LRP11: variants seen among roughly 807,000 people sequenced by gnomAD.
LRP11 encodes the protein low-density lipoprotein receptor-related protein 11.
Under a neutral mutation model 43.1 loss-of-function variants are expected in LRP11, and 25 were observed. That is an observed-to-expected ratio of 0.58 (90% CI 0.42 to 0.81). The LOEUF (loss-of-function observed/expected upper bound fraction) is 0.81. Among genes scored for constraint, LRP11 ranks in the 30% least tolerant of loss-of-function variants. The pLI is 0.00. For synonymous variants in LRP11, 316 were observed against 299.4 expected (o/e 1.06, Z -0.57); for missense variants, 623 against 665.1 (o/e 0.94, Z 0.70).
intron 1 of LRP11, among the ~76,000 whole-genome samples, chr6:149,853,956 G>A (rs1047600868): frequency 1.3e-5 from 2 of 152,112 alleles, no homozygotes; most frequent in African/African-American, 4.8e-5. Context: ...GAAAAGTTAA[G>A]GCAAATTTTT....
At chr6:149,826,107 G>A (rs1200072248) in intron 6 of LRP11, 157 bp downstream of exon 6, 8 of 681,376 alleles carry the variant, frequency 1.2e-5, no homozygotes, top group East Asian at 5.1e-5. Flanking sequence ...GCCCCAAGAC[G>A]CAGTGCAATA....
In LRP11 at chr6:149,838,704, GAAAT is replaced by G. The variant is rs1192288466; in HGVS notation, c.914-1245_914-1242del. ...TGTCTCAAAAAAAAAAAAAAAGAAA[GAAAT>G]AACGACATTTCTCCCTTCTGGAGTT... is the stretch of plus-strand genomic sequence containing the variant. On this transcript the variant is annotated intron_variant, in intron 3 of 6. Coordinates refer to ENST00000239367, the MANE Select transcript of LRP11 (RefSeq NM_032832.6). Among the ~76,000 whole-genome samples the G allele has an allele frequency of 2.1e-4, 31 of 150,844 alleles. 2 individuals carry two copies. The South Asian group carries it at 6.3e-3, about 31-fold the overall frequency.
chr6:149,853,268 G>A (rs747709524), intron 1 of LRP11, 108 bp from the exon 2 acceptor site: 1 of 810,264 alleles, frequency 1.2e-6, no homozygotes, highest in African/African-American at 1.8e-5. Flanking sequence ...TAACTGCTAA[G>A]AGAATCCATA....
intron 6 of LRP11, among the ~76,000 whole-genome samples, chr6:149,825,623 G>A (rs1776328156): frequency 6.6e-6 from 1 of 151,686 alleles, no homozygotes; most frequent in Non-Finnish European, 1.5e-5. Context: ...AAGATAGCCT[G>A]CTCAAGGTCA....
chr6:149,861,663 G>A (rs994417580), intron 1 of LRP11, among the ~76,000 whole-genome samples: 3 of 152,058 alleles, frequency 2.0e-5, no homozygotes, highest in African/African-American at 7.2e-5. Context: ...ATAGACAGGC[G>A]CCACCATGCC....
chr6:149,833,577 G>A lies in LRP11; in HGVS notation c.1252+2508C>T, dbSNP rs115532697. Among the ~76,000 whole-genome samples the A allele has an allele frequency of 4.7e-3, 719 of 152,232 alleles. 5 individuals are homozygous for A. Among genetic ancestry groups the A allele is most frequent in the African/African-American group, 0.016 (682 of 41,552 alleles). On this transcript the variant is annotated intron_variant, in intron 5 of 6. Transcript: ENST00000239367. ...TGTGTATGAATAGAAGTAACCAGAAGAAAATGCGACAAAATTTTAATGGTG... is the reference window on the plus strand; with the variant it reads ...TGTGTATGAATAGAAGTAACCAGAAAAAAATGCGACAAAATTTTAATGGTG...
intron 1 of LRP11, among the ~76,000 whole-genome samples, chr6:149,856,288 G>T (rs1776797799): frequency 6.6e-6 from 1 of 152,120 alleles, no homozygotes; most frequent in Non-Finnish European, 1.5e-5. Flanking sequence ...GGAAGAAAAA[G>T]ATCATTTTAG....
Position 149,843,041 on chromosome 6 carries a change from C to T in LRP11, c.855G>A (p.Gly285=). Residue 285 remains glycine, a synonymous_variant, in exon 3 of 7, where the codon GGG becomes GGA. Transcript: ENST00000239367. ...TFQLTVTDTA[G]QRSSDNVSVT... is the part of the protein sequence containing the mutation. ...CTGACACGTTGTCAGAGCTTCTCTGCCCGGCAGTGTCCGTCACGGTCAGCT... is the reference window on the plus strand; with the variant it reads ...CTGACACGTTGTCAGAGCTTCTCTGTCCGGCAGTGTCCGTCACGGTCAGCT... The T allele has an allele frequency of 6.2e-7, 1 of 1,614,214 alleles. No homozygotes were observed. The highest frequency in any genetic ancestry group is 1.1e-5 in the South Asian group (1 of 91,076).
At chr6:149,826,404 A>G in intron 5 of LRP11, 45 bp from the exon 6 acceptor site, 1 of 1,318,556 alleles carries the variant, frequency 7.6e-7, no homozygotes, top group Non-Finnish European at 1.1e-6. Context: ...TATGCATCAG[A>G]AACTTCAGGA....
intron 6 of LRP11, among the ~76,000 whole-genome samples, chr6:149,825,943 C>T (rs569957088): frequency 6.8e-4 from 103 of 152,300 alleles, no homozygotes; most frequent in Non-Finnish European, 1.3e-3. Flanking sequence ...GCCACTGTGC[C>T]CAGCTTTGAG....
intron 3 of LRP11, among the ~76,000 whole-genome samples, chr6:149,838,576 T>G (rs1301335268): frequency 1.3e-5 from 2 of 151,168 alleles, no homozygotes; most frequent in African/African-American, 2.4e-5. Context: ...TCCCAGGTAC[T>G]CGGGAGGCTG....
At chr6:149,843,833 C>A (rs1239380671) in intron 2 of LRP11, among the ~76,000 whole-genome samples, 7 of 152,216 alleles carry the variant, frequency 4.6e-5, no homozygotes, top group Non-Finnish European at 1.0e-4. Context: ...TGCTCACTTC[C>A]CATTTAGTCT....
In LRP11 at chr6:149,864,115, C is replaced by G; in HGVS notation, c.-95G>C. ...GCGCGGGCCCTGGGCCCCTCCTGCGCGGCCGCGGCTGGCTCTAGGCCCCGG... is the reference window on the plus strand; with the variant it reads ...GCGCGGGCCCTGGGCCCCTCCTGCGGGGCCGCGGCTGGCTCTAGGCCCCGG... On this transcript the variant is annotated 5_prime_UTR_variant, in exon 1 of 7. Transcript: ENST00000239367. The G allele has an allele frequency of 8.4e-7, 1 of 1,188,394 alleles. No individual in the cohort carries two copies. Among genetic ancestry groups the G allele is most frequent in the Non-Finnish European group, 1.0e-6 (1 of 961,404 alleles). The allele number at this position is 1,188,394 out of a possible 1,614,324, so 73.6% of individuals were successfully genotyped here. A position where few individuals can be genotyped will look rare whatever the true frequency, so the allele number is the denominator to read the frequency against.
rs778882517 is a variant in LRP11 at position 149,837,385 on chromosome 6, C to T, written c.992G>A (p.Gly331Glu). ...CCIDITLACD[G>E]VQQCPDGSDE... ...AGACCCATCAGGACACTGCTGCACT[C>T]CATCGCAGGCGAGCGTGATGTCAAT... Residue 331 changes from glycine to glutamate, a missense_variant, in exon 4 of 7, where the codon GGA becomes GAA. Coordinates refer to ENST00000239367, the MANE Select transcript of LRP11 (RefSeq NM_032832.6). The T allele has an allele frequency of 1.6e-5, 26 of 1,614,118 alleles. No homozygotes were observed. The South Asian group carries it at 2.1e-4, about 13-fold the overall frequency.
At position 149,862,577 on chromosome 6, in the gene LRP11, C is replaced by CTTTTTTT. The variant is rs10553273; in HGVS notation, c.613+824_613+830dup. Among the ~76,000 whole-genome samples the CTTTTTTT allele has an allele frequency of 3.2e-3, 399 of 126,142 alleles. 6 individuals carry two copies. Among genetic ancestry groups the CTTTTTTT allele is most frequent in the African/African-American group, 5.0e-3 (165 of 33,062 alleles). The allele number at this position is 126,142 out of a possible 152,430, so 82.8% of individuals were successfully genotyped here. On this transcript the variant is annotated intron_variant, in intron 1 of 6. Coordinates refer to ENST00000239367, the MANE Select transcript of LRP11 (RefSeq NM_032832.6). Reference sequence around the variant, plus strand: ...CTTTAAAGTTTCCTATTTTCTTTTCCTTTTTTTTTTTTTTTTTTTAAGATG... The same window carrying CTTTTTTT: ...CTTTAAAGTTTCCTATTTTCTTTTCCTTTTTTTTTTTTTTTTTTTTTTTTTTAAGATG...
chr6:149,855,445 T>C (rs979381943), intron 1 of LRP11, among the ~76,000 whole-genome samples: 1 of 152,192 alleles, frequency 6.6e-6, no homozygotes, highest in African/African-American at 2.4e-5. Context: ...TTGAATTGAA[T>C]GTAAATAAAC....
At chr6:149,843,745 C>G (rs1776587260) in intron 2 of LRP11, among the ~76,000 whole-genome samples, 1 of 152,132 alleles carries the variant, frequency 6.6e-6, no homozygotes, top group African/African-American at 2.4e-5. Context: ...AAGGGCTCAC[C>G]AGCCACAGCC....
intron 5 of LRP11, among the ~76,000 whole-genome samples, chr6:149,831,697 C>T (rs1776410270): frequency 6.6e-6 from 1 of 152,214 alleles, no homozygotes; most frequent in South Asian, 2.1e-4. Flanking sequence ...GAGATGAGGT[C>T]TTACTCTGTC....
At chr6:149,851,886 G>A (rs1776724661) in intron 2 of LRP11, among the ~76,000 whole-genome samples, 1 of 152,192 alleles carries the variant, frequency 6.6e-6, no homozygotes, top group Non-Finnish European at 1.5e-5. Context: ...GGAGGCCTCA[G>A]GAAACTTACT....
Sources: allele counts gnomAD v4.1 joint callset (sites outside exome capture counted in the v4.1 genomes callset), GRCh38; gene constraint gnomAD v4.1.1; transcripts MANE v1.5; gene names NCBI Gene and HGNC (gene_info 2026-07-23, HGNC 2026-07-21).